MACROD2: variants seen among roughly 807,000 people sequenced by gnomAD.
MACROD2 encodes the protein ADP-ribose glycohydrolase MACROD2.
A neutral mutation model predicts 70.4 loss-of-function variants in MACROD2; 36 were observed. The observed-to-expected ratio is 0.51, with a 90% CI of 0.39 to 0.68. The LOEUF (loss-of-function observed/expected upper bound fraction) is 0.68, where lower values mean the gene tolerates loss of function less well. Ranked by LOEUF, MACROD2 falls within the 30% of genes least tolerant of loss-of-function variation. The pLI is 0.00. For synonymous variants in MACROD2, 172 were observed against 178.8 expected, an observed-to-expected ratio of 0.96 and a Z score of 0.30; for missense variants, 496 against 538.4, an observed-to-expected ratio of 0.92 and a Z score of 0.78.
chr20:15,569,443 G>A (rs2048348862), intron 8 of MACROD2, among the ~76,000 whole-genome samples: 1 of 152,020 alleles, frequency 6.6e-6, no homozygotes, highest in Non-Finnish European at 1.5e-5. Context: ...AATACAATCT[G>A]TTGTTATTAA....
chr20:14,102,162 C>T (rs1262456831), intron 3 of MACROD2, among the ~76,000 whole-genome samples: 1 of 151,704 alleles, frequency 6.6e-6, no homozygotes, highest in Non-Finnish European at 1.5e-5. Context: ...TGCCACCATG[C>T]CCGGCTAATT....
chr20:14,462,648 T>C (rs1172783860), intron 3 of MACROD2, among the ~76,000 whole-genome samples: 7 of 152,128 alleles, frequency 4.6e-5, no homozygotes, highest in Non-Finnish European at 1.0e-4. Context: ...GCTTTTCTTC[T>C]AGGGTTTTTA....
At position 14,454,416 on chromosome 20, in the gene MACROD2, GA is replaced by G. The variant is rs892503873; in HGVS notation, c.272-39062del. ...AGATGTATGATCCTTTATTCCACAT[GA>G]GTTTTTTTTTTTGTTTGTTTTCCCA... On this transcript the variant is annotated intron_variant, in intron 3 of 17. Transcript: ENST00000684519. Among the ~76,000 whole-genome samples the G allele has an allele frequency of 3.5e-4, 48 of 137,494 alleles. 1 individual carries two copies. The highest frequency in any genetic ancestry group is 1.2e-3 in the African/African-American group (43 of 37,290). 90.2% of individuals were successfully genotyped at this position (137,494 alleles called of 152,430 possible).
intron 5 of MACROD2, among the ~76,000 whole-genome samples, chr20:14,950,311 A>G (rs1414054446): frequency 6.6e-6 from 1 of 151,996 alleles, no homozygotes; most frequent in African/African-American, 2.4e-5. Flanking sequence ...CACATTATAC[A>G]TCTCAGGTTC....
At chr20:15,909,061 G>A (rs73898597) in intron 10 of MACROD2, among the ~76,000 whole-genome samples, 1,646 of 152,308 alleles carry the variant, frequency 0.011, 22 homozygotes, top group African/African-American at 0.032. Flanking sequence ...CTCAGCATTG[G>A]CTGGGGTGGC....
chr20:14,550,166 G>T (rs894390756), intron 4 of MACROD2, among the ~76,000 whole-genome samples: 1 of 151,920 alleles, frequency 6.6e-6, no homozygotes, highest in African/African-American at 2.4e-5. Context: ...CAGGTGATCC[G>T]CCTGCCTCGG....
At chr20:14,230,654 T>TATATATATATATATAAAAAAA in intron 3 of MACROD2, among the ~76,000 whole-genome samples, 4 of 74,236 alleles carry the variant, frequency 5.4e-5, no homozygotes, top group South Asian at 1.1e-3. Context: ...TATATATATA[T>TATATATATATATATAAAAAAA]AACACAGGCT....
chr20:15,218,384 G>A (rs1033002834), intron 5 of MACROD2, among the ~76,000 whole-genome samples: 7 of 152,034 alleles, frequency 4.6e-5, no homozygotes, highest in Non-Finnish European at 8.8e-5. Flanking sequence ...TCTTTTTCAC[G>A]CCTTGGACTC....
intron 3 of MACROD2, among the ~76,000 whole-genome samples, chr20:14,394,109 G>C (rs748295140): frequency 1.2e-4 from 18 of 152,118 alleles, no homozygotes; most frequent in Non-Finnish European, 2.2e-4. Context: ...ACGTGTAGAG[G>C]AATATTATGT....
At chr20:15,012,233 A>G (rs145798061) in intron 5 of MACROD2, among the ~76,000 whole-genome samples, 417 of 152,332 alleles carry the variant, frequency 2.7e-3, no homozygotes, top group African/African-American at 9.6e-3. Flanking sequence ...AAAGTTTGAC[A>G]CTAACAATAA....
Position 15,988,563 on chromosome 20 carries a change from A to G in MACROD2, c.1153+1405A>G, listed in dbSNP as rs61488901. 0.014 allele frequency among the ~76,000 whole-genome samples: 2,085 copies of G among 152,184 alleles called. 183 individuals are homozygous for G. The East Asian group carries it at 0.23, about 16-fold the overall frequency. ...GTTTCCCTTCTCCCAGAGCCTTCCC[A>G]AGCATTGAACACTACTCTGATGACT... On this transcript the variant is annotated intron_variant, in intron 15 of 17. Transcript: ENST00000684519.
At chr20:14,259,735 A>T (rs895303450) in intron 3 of MACROD2, among the ~76,000 whole-genome samples, 3 of 152,218 alleles carry the variant, frequency 2.0e-5, no homozygotes, top group Non-Finnish European at 4.4e-5. Flanking sequence ...GATAAGTGCA[A>T]CTGTAGAATT....
intron 5 of MACROD2, among the ~76,000 whole-genome samples, chr20:14,935,822 A>C (rs778030174): frequency 6.6e-6 from 1 of 152,148 alleles, no homozygotes; most frequent in Non-Finnish European, 1.5e-5. Flanking sequence ...TTTACAAATG[A>C]TTGTTTGACT....
chr20:15,767,325 G>A (rs562039776), intron 8 of MACROD2, among the ~76,000 whole-genome samples: 1 of 152,252 alleles, frequency 6.6e-6, no homozygotes, highest in East Asian at 1.9e-4. Context: ...GCTGCCTAAG[G>A]TTGTATAGTC....
chr20:13,998,406 C>T (rs1342099630), intron 1 of MACROD2, among the ~76,000 whole-genome samples: 1 of 152,020 alleles, frequency 6.6e-6, no homozygotes, highest in Non-Finnish European at 1.5e-5. Context: ...CAACAGAGGC[C>T]AGGTTGCATT....
chr20:14,554,399 G>T (rs2224291), intron 4 of MACROD2: 99,924 of 152,078 alleles, frequency 0.66, 34,059 homozygotes, highest in East Asian at 0.94. Flanking sequence ...ACAGCTAAGC[G>T]ATTTGCCAGG....
At chr20:14,265,040 T>G (rs2082132760) in intron 3 of MACROD2, among the ~76,000 whole-genome samples, 5 of 152,250 alleles carry the variant, frequency 3.3e-5, no homozygotes, top group Admixed American at 2.0e-4. Flanking sequence ...CTTTGCTCAG[T>G]GCTGATGTTT....
At chr20:15,417,598 C>CAAAAAAAAAA (rs71340225) in intron 6 of MACROD2, among the ~76,000 whole-genome samples, 1 of 69,324 alleles carries the variant, frequency 1.4e-5, no homozygotes, top group African/African-American at 5.1e-5. Context: ...AACCCTGTCT[C>CAAAAAAAAAA]AAAAAAAAAA....
intron 4 of MACROD2, among the ~76,000 whole-genome samples, chr20:14,585,477 G>T (rs1981314074): frequency 6.6e-6 from 1 of 152,046 alleles, no homozygotes; most frequent in African/African-American, 2.4e-5. Context: ...TTAGTGCAAT[G>T]ACTTGTTTTA....
Sources: allele counts gnomAD v4.1 joint callset (sites outside exome capture counted in the v4.1 genomes callset), GRCh38; gene constraint gnomAD v4.1.1; transcripts MANE v1.5; gene names NCBI Gene and HGNC (gene_info 2026-07-23, HGNC 2026-07-21).